DPYSL5: variants seen among roughly 807,000 people sequenced by gnomAD.
DPYSL5 encodes dihydropyrimidinase like 5.
A neutral mutation model predicts 58.4 loss-of-function variants in DPYSL5; 9 were observed. The observed-to-expected ratio is 0.15, with a 90% confidence interval of 0.09 to 0.27. The LOEUF is 0.27. Ranked by LOEUF, DPYSL5 falls within the 10% of genes least tolerant of loss-of-function variation. The pLI is 1.00. For synonymous variants in DPYSL5, 293 were observed against 301.9 expected (o/e 0.97, Z 0.31); for missense variants, 499 against 770.6 (o/e 0.65, Z 4.17).
At chr2:26,897,529 T>A (rs1664050071) in intron 1 of DPYSL5, among the ~76,000 whole-genome samples, 1 of 152,252 alleles carries the variant, frequency 6.6e-6, no homozygotes, top group Non-Finnish European at 1.5e-5. Context: ...TGGTGTCTAA[T>A]TCTTTTTAAA....
intron 1 of DPYSL5, among the ~76,000 whole-genome samples, chr2:26,868,131 G>A (rs1178960528): frequency 6.6e-6 from 1 of 152,148 alleles, no homozygotes; most frequent in Non-Finnish European, 1.5e-5. Context: ...CTCATATGTT[G>A]TTGGTTATTT....
intron 2 of DPYSL5, among the ~76,000 whole-genome samples, chr2:26,912,321 C>T (rs1297783489): frequency 6.6e-6 from 1 of 152,224 alleles, no homozygotes; most frequent in Non-Finnish European, 1.5e-5. Flanking sequence ...TCCAGGGCGG[C>T]CTCTCGTCAG....
Position 26,925,162 on chromosome 2 carries a change from TCC to T in DPYSL5, c.420+120_420+121del, listed in dbSNP as rs2148158435. The stretch of plus-strand genomic sequence containing the variant: ...GCACCCCTCCCACTACCATCCTAGC[TCC>T]CCACAATGCCAAAAGAAAACACACT... On this transcript the variant is annotated intron_variant, in intron 3 of 12. Coordinates refer to ENST00000288699, the MANE Select transcript of DPYSL5 (RefSeq NM_020134.4). This position sits in a 1 kb window ranked among gnomAD's most constrained non-coding sequence, Gnocchi z 4.5. The T allele has an allele frequency of 2.3e-6, 3 of 1,307,780 alleles. No homozygotes were observed. The East Asian group carries it at 7.3e-5, about 32-fold the overall frequency. The allele number at this position is 1,307,780 out of a possible 1,614,324, so 81.0% of individuals were successfully genotyped here. A position where few individuals can be genotyped will look rare whatever the true frequency, so the allele number is the denominator to read the frequency against.
intron 2 of DPYSL5, among the ~76,000 whole-genome samples, chr2:26,903,034 A>G (rs1664198784): frequency 6.6e-6 from 1 of 151,926 alleles, no homozygotes; most frequent in Non-Finnish European, 1.5e-5. Flanking sequence ...TGCTCTGTCT[A>G]TGGAGTAGCC....
In DPYSL5 at chr2:26,905,968, G is replaced by T. The variant is rs1410405678; in HGVS notation, c.261+7208G>T. ...GTCCAGGGTTCTCTGCCAAGCTCGT[G>T]TAGTTGTGGCAGAATTCCATTTCTT... On this transcript the variant is annotated intron_variant, in intron 2 of 12. Transcript: ENST00000288699. This position sits in a 1 kb window ranked among gnomAD's most constrained non-coding sequence, Gnocchi z 4.0. Among the ~76,000 whole-genome samples the T allele has an allele frequency of 6.6e-6, 1 of 152,110 alleles. No individual in the cohort carries two copies. The highest frequency in any genetic ancestry group is 6.6e-5 in the Admixed American group (1 of 15,262).
At chr2:26,911,079 G>GC (rs1664427622) in intron 2 of DPYSL5, among the ~76,000 whole-genome samples, 1 of 100,416 alleles carries the variant, frequency 1.0e-5, no homozygotes, top group Non-Finnish European at 2.0e-5. Context: ...TCTATGTTCA[G>GC]TTTTTTTTTT....
rs558514533 is a variant in DPYSL5, at chr2:26,935,668, G to A, written c.947+934G>A. Among the ~76,000 whole-genome samples the A allele has an allele frequency of 1.6e-4, 23 of 144,128 alleles. No individual in the cohort carries two copies. The South Asian group carries it at 3.0e-3, about 19-fold the overall frequency. The allele number at this position is 144,128 out of a possible 152,430, so 94.6% of individuals were successfully genotyped here. A position where few individuals can be genotyped will look rare whatever the true frequency, so the allele number is the denominator to read the frequency against. On this transcript the variant is annotated intron_variant, in intron 8 of 12. Coordinates refer to ENST00000288699, the MANE Select transcript of DPYSL5 (RefSeq NM_020134.4). ...CATGCCACTGCACTCCAGCCTGTCC[G>A]GCGACAGAGCAAGACTCCATCTCAA...
At chr2:26,932,163 G>GACAGAAAGAAAGAAAGAAAGAAAGAAAGA (rs1470321229) in intron 6 of DPYSL5, among the ~76,000 whole-genome samples, 2 of 60,876 alleles carry the variant, frequency 3.3e-5, no homozygotes, top group African/African-American at 1.2e-4. Flanking sequence ...AAGAAAGAAA[G>GACAGAAAGAAAGAAAGAAAGAAAGAAAGA]AAAGAAAGAA....
chr2:26,925,654 C>T lies in DPYSL5; in HGVS notation c.420+609C>T, dbSNP rs923106636. Among the ~76,000 whole-genome samples, 1 of 152,170 alleles carries T rather than the reference C, an allele frequency of 6.6e-6. No homozygotes were observed. Among genetic ancestry groups the T allele is most frequent in the African/African-American group, 2.4e-5 (1 of 41,430 alleles). ...CCTCCTTTGTGTCTGTGCCCCTGGC[C>T]TCTGGCTTTCCTGTCCTCCCCCTGC... On this transcript the variant is annotated intron_variant, in intron 3 of 12. Transcript: ENST00000288699. This position sits in a 1 kb window ranked among gnomAD's most constrained non-coding sequence, Gnocchi z 4.5.
intron 1 of DPYSL5, among the ~76,000 whole-genome samples, chr2:26,862,307 A>C (rs1416718780): frequency 6.6e-6 from 1 of 152,246 alleles, no homozygotes; most frequent in Non-Finnish European, 1.5e-5. Flanking sequence ...TTATCAATGA[A>C]TATGTTGAGC....
At chr2:26,865,384 G>A (rs954827910) in intron 1 of DPYSL5, among the ~76,000 whole-genome samples, 4 of 143,036 alleles carry the variant, frequency 2.8e-5, no homozygotes, top group Non-Finnish European at 4.5e-5. Flanking sequence ...GCAGTGGCGC[G>A]ATCTCAGCTC....
rs70953831 is a variant in DPYSL5, at chr2:26,858,170, A to ATT, written c.-5+9934_-5+9935dup. Among the ~76,000 whole-genome samples, 1,087 of 127,068 alleles carry ATT rather than the reference A, an allele frequency of 8.6e-3. 25 individuals are homozygous for ATT. The highest frequency in any genetic ancestry group is 0.022 in the African/African-American group (729 of 33,318). The allele number at this position is 127,068 out of a possible 152,430, so 83.4% of individuals were successfully genotyped here. A position where few individuals can be genotyped will look rare whatever the true frequency, so the allele number is the denominator to read the frequency against. Reference sequence around the variant, plus strand: ...ACAAGTGAATGAGATCAGACTTAACATTTTTTTTTTTTTTTTTTTGAGACG... The same window carrying ATT: ...ACAAGTGAATGAGATCAGACTTAACATTTTTTTTTTTTTTTTTTTTTGAGACG... On this transcript the variant is annotated intron_variant, in intron 1 of 12. Transcript: ENST00000288699.
In DPYSL5 at chr2:26,918,432, G is replaced by A. The variant is rs138791300; in HGVS notation, c.262-6455G>A. 1.1e-3 allele frequency among the ~76,000 whole-genome samples: 175 copies of A among 152,218 alleles called. 1 individual carries two copies. Among genetic ancestry groups the A allele is most frequent in the African/African-American group, 3.2e-3 (131 of 41,530 alleles). On this transcript the variant is annotated intron_variant, in intron 2 of 12. Transcript: ENST00000288699. ...AGCCAACAGAACGCTGAAGGTGAAG[G>A]AGGTTACCATGAGCAATAGAGAAAC...
Position 26,942,704 on chromosome 2 carries a change from G to A in DPYSL5, c.1394G>A (p.Arg465Lys). The A allele has an allele frequency of 6.2e-7, 1 of 1,614,120 alleles. No individual in the cohort carries two copies. Among genetic ancestry groups the A allele is most frequent in the Non-Finnish European group, 8.5e-7 (1 of 1,180,030 alleles). ...AEGTGKFCPLRSFPDTVYKKL... is the reference protein window; with the variant it reads ...AEGTGKFCPLKSFPDTVYKKL... ...GGCACCGGCAAGTTCTGTCCCCTGA[G>A]GTCCTTCCCAGACACTGTCTACAAG... is the stretch of plus-strand genomic sequence containing the variant. Residue 465 changes from arginine (R) to lysine (K), a missense_variant, in exon 11 of 13, where the codon AGG (arginine) becomes AAG (lysine). Arg to Lys is a conservative substitution (Grantham distance 26). Around this residue, in one of 3 missense-constraint regions of DPYSL5, gnomAD observed 404 missense variants for 647.6 expected, o/e 0.62. Coordinates refer to ENST00000288699, the MANE Select transcript of DPYSL5 (RefSeq NM_020134.4). This position sits in a 1 kb window ranked among gnomAD's most constrained non-coding sequence, Gnocchi z 5.9.
At chr2:26,879,104 A>G (rs1043804420) in intron 1 of DPYSL5, among the ~76,000 whole-genome samples, 5 of 152,202 alleles carry the variant, frequency 3.3e-5, no homozygotes, top group Admixed American at 2.6e-4. Context: ...CCCTGCCTCC[A>G]TGATCTGATT....
chr2:26,863,664 T>G (rs1666073195), intron 1 of DPYSL5, among the ~76,000 whole-genome samples: 1 of 152,160 alleles, frequency 6.6e-6, no homozygotes, highest in Non-Finnish European at 1.5e-5. Context: ...ATTTACCACA[T>G]TTTTGCCACC....
rs1478575138 is a variant in DPYSL5, at chr2:26,898,492, G to A, written c.-4-4G>A. On this transcript the variant is annotated splice_polypyrimidine_tract_variant and splice_region_variant and intron_variant, in intron 1 of 12. Transcript: ENST00000288699. The surrounding 1 kb of genome is among the most constrained non-coding windows in gnomAD (Gnocchi z 6.1). ...TGACCTTGACCATGCTCACCTTCTTGTAGGAACATGCTTGCCAACTCAGCC... is the reference window on the plus strand; with the variant it reads ...TGACCTTGACCATGCTCACCTTCTTATAGGAACATGCTTGCCAACTCAGCC... 6.2e-7 allele frequency: 1 copy of A among 1,612,912 alleles called. No individual in the cohort carries two copies. Among genetic ancestry groups the A allele is most frequent in the South Asian group, 1.1e-5 (1 of 91,026 alleles).
chr2:26,906,859 C>T (rs2148143816), intron 2 of DPYSL5, among the ~76,000 whole-genome samples: 1 of 152,210 alleles, frequency 6.6e-6, no homozygotes, highest in Non-Finnish European at 1.5e-5. Context: ...CACCTGGGCT[C>T]AAGCCATACT....
chr2:26,938,288 C>T (rs1665234246), intron 8 of DPYSL5, among the ~76,000 whole-genome samples: 1 of 152,222 alleles, frequency 6.6e-6, no homozygotes, highest in East Asian at 1.9e-4. Context: ...GCCTGTTGCT[C>T]TCAGGGTCCC....
Sources: allele counts gnomAD v4.1 joint callset (sites outside exome capture counted in the v4.1 genomes callset), GRCh38; gene constraint gnomAD v4.1.1; regional missense constraint gnomAD v4.1.1; non-coding constraint Gnocchi (gnomAD v3.1); transcripts MANE v1.5; gene names NCBI Gene and HGNC (gene_info 2026-07-23, HGNC 2026-07-21).